OSBPL3: variants seen among roughly 807,000 people sequenced by gnomAD.
OSBPL3 encodes oxysterol-binding protein-related protein 3.
In OSBPL3, 65 loss-of-function variants were observed where a neutral mutation model predicts 120.1. The observed-to-expected ratio is 0.54, with a 90% CI of 0.44 to 0.67. The LOEUF is 0.67. Among genes scored for constraint, OSBPL3 ranks in the 30% least tolerant of loss-of-function variants. OSBPL3 has a pLI of 0.00. For synonymous variants in OSBPL3, 416 were observed against 402.6 expected, an observed-to-expected ratio of 1.03 and a Z score of -0.40; for missense variants, 1,004 against 1,082.1, an observed-to-expected ratio of 0.93 and a Z score of 1.01.
intron 14 of OSBPL3, among the ~76,000 whole-genome samples, chr7:24,839,334 A>G (rs944996675): frequency 3.9e-5 from 6 of 152,178 alleles, no homozygotes; most frequent in Admixed American, 6.5e-5. Context: ...GCACCTTCCT[A>G]AACAGGCCAG....
rs2128181373 is a variant in OSBPL3 at position 24,834,702 on chromosome 7, G to A, written c.1530C>T (p.Ser510=). The A allele has an allele frequency of 6.2e-7, 1 of 1,613,336 alleles. No individual in the cohort carries two copies. Among genetic ancestry groups the A allele is most frequent in the Non-Finnish European group, 8.5e-7 (1 of 1,179,690 alleles). The part of the protein sequence containing the change: ...PVLDSGREAK[S]RRRTCLPAPC... ...GCGCCGGCAGGCACGTTCTTCTCCG[G>A]GACTTCGCTTCCCGACCACTATCAA... is the stretch of plus-strand genomic sequence containing the variant. The change falls in exon 15 of 23, where the codon TCC becomes TCT. Residue 510 remains serine, a synonymous_variant. Transcript: ENST00000313367. The surrounding 1 kb of genome is among the most constrained non-coding windows in gnomAD (Gnocchi z 5.2).
At position 24,817,757 on chromosome 7, in the gene OSBPL3, G is replaced by A. The variant is rs377532157; in HGVS notation, c.1949-1069C>T. Among the ~76,000 whole-genome samples the A allele has an allele frequency of 8.5e-5, 13 of 152,336 alleles. No individual in the cohort carries two copies. The highest frequency in any genetic ancestry group is 2.6e-4 in the African/African-American group (11 of 41,582). ...GATGAAGGGAACCAAGACAACAGAC[G>A]CGGGGAAGTGAGTGAGCCCAGAAAT... is the stretch of plus-strand genomic sequence containing the variant. On this transcript the variant is annotated intron_variant, in intron 17 of 22. Coordinates refer to ENST00000313367, the MANE Select transcript of OSBPL3 (RefSeq NM_015550.4). The surrounding 1 kb of genome is among the most constrained non-coding windows in gnomAD (Gnocchi z 4.0).
Position 24,913,934 on chromosome 7 carries a change from C to G in OSBPL3, c.-149-21313G>C, listed in dbSNP as rs1168871231. The stretch of plus-strand genomic sequence containing the variant: ...TATGCATTGAAACTTTCCTAAGGAG[C>G]AGATTCATTACGAAAGAGTCAAAAT... On this transcript the variant is annotated intron_variant, in intron 1 of 22. Coordinates refer to ENST00000313367, the MANE Select transcript of OSBPL3 (RefSeq NM_015550.4). This position sits in a 1 kb window ranked among gnomAD's most constrained non-coding sequence, Gnocchi z 5.3. 3.3e-5 allele frequency among the ~76,000 whole-genome samples: 5 copies of G among 152,160 alleles called. No individual in the cohort carries two copies. Among genetic ancestry groups the G allele is most frequent in the African/African-American group, 9.7e-5 (4 of 41,422 alleles).
intron 1 of OSBPL3, 28 bp downstream of exon 1, chr7:24,979,858 C>T (rs1818082090): frequency 4.1e-6 from 4 of 976,430 alleles, no homozygotes; most frequent in Non-Finnish European, 4.9e-6. Flanking sequence ...CACCCAGGCC[C>T]CATTTAGGCG....
intron 19 of OSBPL3, among the ~76,000 whole-genome samples, chr7:24,812,890 T>A (rs1794012965): frequency 6.6e-6 from 1 of 151,926 alleles, no homozygotes; most frequent in Admixed American, 6.6e-5. Context: ...TTTATTTATT[T>A]TTTGATGATA....
chr7:24,955,999 C>A lies in OSBPL3; in HGVS notation c.-150+23887G>T, dbSNP rs1814999771. On this transcript the variant is annotated intron_variant, in intron 1 of 22. Coordinates refer to ENST00000313367, the MANE Select transcript of OSBPL3 (RefSeq NM_015550.4). The surrounding 1 kb of genome is among the most constrained non-coding windows in gnomAD (Gnocchi z 4.3). ...TTGTAGCTATGAGATTATGCAAACC[C>A]TAAGAGTATAATTTCCACTTTATAT... 1.3e-5 allele frequency among the ~76,000 whole-genome samples: 2 copies of A among 152,202 alleles called. No individual in the cohort carries two copies. Among genetic ancestry groups the A allele is most frequent in the African/African-American group, 4.8e-5 (2 of 41,434 alleles).
In OSBPL3 at chr7:24,849,139, C is replaced by G; in HGVS notation, c.1196G>C (p.Arg399Pro). ...GAGCAGAGACTCGGCATGGATTCTG[C>G]GTAAGCGTTCTTTAAGATCTGTGTT... ...AQNTDLKERL[R>P]RIHAESLLLD... The change falls in exon 12 of 23, where the codon CGC becomes CCC. Residue 399 changes from arginine to proline, a missense_variant. By Grantham distance (103) the Arg-to-Pro change is moderately radical. This residue lies in a region of OSBPL3 where 272 missense variants were observed against 248.8 expected (regional missense o/e 1.09). Coordinates refer to ENST00000313367, the MANE Select transcript of OSBPL3 (RefSeq NM_015550.4). This position sits in a 1 kb window ranked among gnomAD's most constrained non-coding sequence, Gnocchi z 5.4. 1 of 1,613,834 alleles carries G rather than the reference C, an allele frequency of 6.2e-7. No homozygotes were observed. The highest frequency in any genetic ancestry group is 8.5e-7 in the Non-Finnish European group (1 of 1,179,808).
At chr7:24,980,347 C>G (rs1186988635), upstream of OSBPL3, among the ~76,000 whole-genome samples, 2 of 151,950 alleles carry the variant, frequency 1.3e-5, no homozygotes, top group Admixed American at 6.6e-5. Flanking sequence ...GGGCGATGTC[C>G]TCGGAAGAAG....
chr7:24,842,144 G>A, intron 13 of OSBPL3, 135 bp downstream of exon 13: 1 of 864,678 alleles, frequency 1.2e-6, no homozygotes, highest in Non-Finnish European at 1.8e-6. Flanking sequence ...AGTTATGGGA[G>A]AACTCTCAGA....
Position 24,913,841 on chromosome 7 carries a change from C to T in OSBPL3, c.-149-21220G>A, listed in dbSNP as rs1276950868. On this transcript the variant is annotated intron_variant, in intron 1 of 22. Transcript: ENST00000313367. This position sits in a 1 kb window ranked among gnomAD's most constrained non-coding sequence, Gnocchi z 5.3. ...TAGGACGAGGACAAGGACCAAGGAC[C>T]GTATCCCATCAAAAACATACACCCA... is the stretch of plus-strand genomic sequence containing the variant. Among the ~76,000 whole-genome samples the T allele has an allele frequency of 2.0e-5, 3 of 152,030 alleles. No individual in the cohort carries two copies. The highest frequency in any genetic ancestry group is 6.5e-5 in the Admixed American group (1 of 15,268).
chr7:24,903,883 A>AT (rs5882953), intron 1 of OSBPL3, among the ~76,000 whole-genome samples: 72,354 of 138,894 alleles, frequency 0.52, 19,344 homozygotes, highest in East Asian at 0.72. Context: ...CTCACCACCA[A>AT]TTTTTTTTTT....
At chr7:24,829,793 T>C (rs961255044) in intron 16 of OSBPL3, among the ~76,000 whole-genome samples, 2 of 152,220 alleles carry the variant, frequency 1.3e-5, no homozygotes, top group African/African-American at 2.4e-5. Flanking sequence ...AATTTCAATA[T>C]GTATACACTC....
Position 24,964,939 on chromosome 7 carries a change from T to C in OSBPL3, c.-150+14947A>G, listed in dbSNP as rs548520488. ...AGCAGATGATCTCTAAGCTTTTTAC[T>C]AGCTTTAAAGGCAATGTTTTGGGAA... On this transcript the variant is annotated intron_variant, in intron 1 of 22. Transcript: ENST00000313367. This position sits in a 1 kb window ranked among gnomAD's most constrained non-coding sequence, Gnocchi z 4.2. Among the ~76,000 whole-genome samples, 1 of 152,376 alleles carries C rather than the reference T, an allele frequency of 6.6e-6. No homozygotes were observed. Among genetic ancestry groups the C allele is most frequent in the South Asian group, 2.1e-4 (1 of 4,834 alleles).
chr7:24,864,100 G>A (rs1800970813), intron 7 of OSBPL3, among the ~76,000 whole-genome samples: 1 of 152,112 alleles, frequency 6.6e-6, no homozygotes, highest in South Asian at 2.1e-4. Context: ...AAGTTGTACT[G>A]GTCTCTAAGG....
chr7:24,797,379 G>A lies in OSBPL3; in HGVS notation c.*2804C>T, dbSNP rs1791828623. 2 of 152,156 alleles carry A rather than the reference G, an allele frequency of 1.3e-5. No individual in the cohort carries two copies. Among genetic ancestry groups the A allele is most frequent in the South Asian group, 4.1e-4 (2 of 4,828 alleles). The allele number at this position is 152,156 out of a possible 1,614,324, so 9.4% of individuals were successfully genotyped here. ...CACAGGACACCTGTGCGGCTGTTTG[G>A]GCATCCTGGGTACTTCTTGCCCTCA... On this transcript the variant is annotated 3_prime_UTR_variant, in exon 23 of 23. Coordinates refer to ENST00000313367, the MANE Select transcript of OSBPL3 (RefSeq NM_015550.4). This position sits in a 1 kb window ranked among gnomAD's most constrained non-coding sequence, Gnocchi z 4.8.
rs1816448189 is a variant in OSBPL3 at position 24,966,912 on chromosome 7, A to C, written c.-150+12974T>G. Among the ~76,000 whole-genome samples, 1 of 152,196 alleles carries C rather than the reference A, an allele frequency of 6.6e-6. No individual in the cohort carries two copies. The highest frequency in any genetic ancestry group is 1.5e-5 in the Non-Finnish European group (1 of 68,038). On this transcript the variant is annotated intron_variant, in intron 1 of 22. Transcript: ENST00000313367. This position sits in a 1 kb window ranked among gnomAD's most constrained non-coding sequence, Gnocchi z 4.8. ...AATAATCATTTTTTTATTTACCGCC[A>C]CTTTGCTTATTCCCCATTCACAGTC...
chr7:24,870,088 G>C (rs1160411115), intron 5 of OSBPL3, among the ~76,000 whole-genome samples: 1 of 152,144 alleles, frequency 6.6e-6, no homozygotes, highest in Admixed American at 6.5e-5. Context: ...TTTTGTTATA[G>C]GTGAAAAAAC....
intron 2 of OSBPL3, among the ~76,000 whole-genome samples, chr7:24,887,691 G>A (rs930184358): frequency 2.1e-4 from 32 of 152,120 alleles, no homozygotes; most frequent in African/African-American, 7.2e-4. Context: ...CTATCACTAA[G>A]GGGTGACAAA....
rs1805767737 is a variant in OSBPL3, at chr7:24,894,070, T to G, written c.-149-1449A>C. On this transcript the variant is annotated intron_variant, in intron 1 of 22. Transcript: ENST00000313367. The surrounding 1 kb of genome is among the most constrained non-coding windows in gnomAD (Gnocchi z 4.1). The stretch of plus-strand genomic sequence containing the variant: ...AAAAGAAGAGTATCATATATTTGTC[T>G]AGGAACCAGCTAGTTAACTATGATA... Among the ~76,000 whole-genome samples, 1 of 152,166 alleles carries G rather than the reference T, an allele frequency of 6.6e-6. No individual in the cohort carries two copies. Among genetic ancestry groups the G allele is most frequent in the South Asian group, 2.1e-4 (1 of 4,824 alleles).
Sources: gnomAD v4.1 joint callset for allele counts (sites outside exome capture counted in the v4.1 genomes callset) on GRCh38, gnomAD v4.1.1 for gene constraint, gnomAD v4.1.1 regional missense constraint, Gnocchi (gnomAD v3.1) non-coding constraint, MANE v1.5 for transcripts, NCBI Gene and HGNC (gene_info 2026-07-23, HGNC 2026-07-21) for gene names.